Variants in RBMS3 observed in about 807,000 individuals in gnomAD.
RBMS3 encodes RNA binding motif single stranded interacting protein 3, also known as RNA-binding motif, single-stranded-interacting protein 3.
Under a neutral mutation model 66.8 loss-of-function variants are expected in RBMS3, and 27 were observed. The ratio of observed to expected loss-of-function variants is 0.40; its 90% CI spans 0.30 to 0.56. The LOEUF (loss-of-function observed/expected upper bound fraction) is 0.56, where lower values mean the gene tolerates loss of function less well. RBMS3 is among the 20% of genes least tolerant of loss of function. The probability of loss-of-function intolerance (pLI) is 0.40; values close to 1 mark genes in which losing one functional copy is unlikely to be tolerated. For missense variants in RBMS3, 513 were observed against 549.5 expected (o/e 0.93, Z 0.66); for synonymous variants, 188 against 183.0 (o/e 1.03, Z -0.22).
At chr3:29,769,949 T>C (rs2056124932) in intron 6 of RBMS3, among the ~76,000 whole-genome samples, 1 of 151,826 alleles carries the variant, frequency 6.6e-6, no homozygotes, top group African/African-American at 2.4e-5. Flanking sequence ...GAGAAAAATG[T>C]TTGTAAGAAT....
intron 1 of RBMS3, among the ~76,000 whole-genome samples, chr3:29,428,056 G>T (rs1483864331): frequency 6.6e-6 from 1 of 152,182 alleles, no homozygotes; most frequent in Non-Finnish European, 1.5e-5. Context: ...TGGAGGGGGT[G>T]AATGCCATGC....
intron 4 of RBMS3, among the ~76,000 whole-genome samples, chr3:29,617,231 T>G (rs2048703651): frequency 6.6e-6 from 1 of 152,208 alleles, no homozygotes; most frequent in Non-Finnish European, 1.5e-5. Context: ...TAATACCAGC[T>G]CCAAAACTAA....
chr3:29,675,146 G>C (rs1389379933), intron 4 of RBMS3, among the ~76,000 whole-genome samples: 17 of 152,066 alleles, frequency 1.1e-4, no homozygotes, highest in Admixed American at 1.1e-3. Flanking sequence ...TCTGATCTTT[G>C]ACAAACTTGA....
chr3:30,000,702 T>C (rs546159800), intron 14 of RBMS3, among the ~76,000 whole-genome samples: 2 of 152,266 alleles, frequency 1.3e-5, no homozygotes, highest in African/African-American at 2.4e-5. Context: ...TGGAATACCA[T>C]GCAGTCATAA....
chr3:29,779,422 C>T (rs543819977), intron 6 of RBMS3, among the ~76,000 whole-genome samples: 209 of 151,556 alleles, frequency 1.4e-3, no homozygotes, highest in Middle Eastern at 3.4e-3. Flanking sequence ...TGTATAGTAT[C>T]CTTTCTTTGA....
At chr3:29,760,806 A>G (rs914631803) in intron 5 of RBMS3, among the ~76,000 whole-genome samples, 4 of 152,144 alleles carry the variant, frequency 2.6e-5, no homozygotes, top group Admixed American at 2.0e-4. Context: ...TTATCCAAAC[A>G]TCTTCTGATA....
intron 1 of RBMS3, among the ~76,000 whole-genome samples, chr3:29,339,227 T>A (rs921533467): frequency 3.9e-5 from 6 of 152,206 alleles, no homozygotes; most frequent in Admixed American, 6.5e-5. Context: ...AATCCTGTTT[T>A]CACCGACACT....
chr3:29,743,045 A>G (rs928061342), intron 5 of RBMS3, among the ~76,000 whole-genome samples: 2 of 152,172 alleles, frequency 1.3e-5, no homozygotes, highest in Non-Finnish European at 2.9e-5. Context: ...TTCGTTCTCC[A>G]TGTATCTTAG....
chr3:29,735,046 A>G (rs1324774788), intron 4 of RBMS3, among the ~76,000 whole-genome samples: 2 of 152,110 alleles, frequency 1.3e-5, no homozygotes. Context: ...GTTAAGTTTT[A>G]AAATTGTGTT....
chr3:29,303,674 G>A (rs2033822925), intron 1 of RBMS3, among the ~76,000 whole-genome samples: 1 of 151,976 alleles, frequency 6.6e-6, no homozygotes, highest in Admixed American at 6.6e-5. Context: ...TAAGTTAAAT[G>A]GATTGTGTAC....
At chr3:29,838,722 T>C (rs1316990358) in intron 6 of RBMS3, among the ~76,000 whole-genome samples, 1 of 152,174 alleles carries the variant, frequency 6.6e-6, no homozygotes, top group Non-Finnish European at 1.5e-5. Context: ...TTAATCTTTC[T>C]TTTATGCAGC....
chr3:29,598,797 A>G (rs894839416), intron 4 of RBMS3, among the ~76,000 whole-genome samples: 2 of 152,074 alleles, frequency 1.3e-5, no homozygotes, highest in Non-Finnish European at 2.9e-5. Flanking sequence ...CATTTCTCCT[A>G]TAATACCTAA....
At chr3:29,311,293 T>G (rs1450392348) in intron 1 of RBMS3, among the ~76,000 whole-genome samples, 1 of 151,770 alleles carries the variant, frequency 6.6e-6, no homozygotes, top group African/African-American at 2.4e-5. Flanking sequence ...TTCTCTGAAT[T>G]GAAATTGAGA....
chr3:29,809,816 G>T (rs544282703), intron 6 of RBMS3, among the ~76,000 whole-genome samples: 3 of 151,932 alleles, frequency 2.0e-5, no homozygotes, highest in Admixed American at 6.6e-5. Flanking sequence ...GCTTTCTAAT[G>T]TATGAAGAAA....
intron 9 of RBMS3, among the ~76,000 whole-genome samples, chr3:29,898,985 C>T (rs1010432003): frequency 2.0e-5 from 3 of 151,480 alleles, no homozygotes; most frequent in African/African-American, 7.3e-5. Context: ...CAGGTTTTTT[C>T]AATCCAAAGT....
chr3:29,941,467 AT>A (rs1170384107), intron 11 of RBMS3, among the ~76,000 whole-genome samples: 2 of 151,950 alleles, frequency 1.3e-5, no homozygotes, highest in East Asian at 3.9e-4. Flanking sequence ...TTAGGAAAAA[AT>A]ATTAATTAAA....
At chr3:29,355,149 C>T (rs757177490) in intron 1 of RBMS3, among the ~76,000 whole-genome samples, 8 of 152,134 alleles carry the variant, frequency 5.3e-5, no homozygotes, top group Non-Finnish European at 1.2e-4. Context: ...TCCTGCCAGA[C>T]TGCATGTTCT....
At chr3:29,592,867 A>G (rs886536963) in intron 4 of RBMS3, among the ~76,000 whole-genome samples, 2 of 151,960 alleles carry the variant, frequency 1.3e-5, no homozygotes, top group Non-Finnish European at 2.9e-5. Context: ...AGGGACATGG[A>G]TGAAGCTGGA....
intron 10 of RBMS3, among the ~76,000 whole-genome samples, chr3:29,935,431 A>G (rs997542203): frequency 6.6e-6 from 1 of 152,168 alleles, no homozygotes; most frequent in African/African-American, 2.4e-5. Context: ...TGGACATAAA[A>G]ATTTGACCAG....
Sources: gnomAD v4.1 joint callset for allele counts (sites outside exome capture counted in the v4.1 genomes callset) on GRCh38, gnomAD v4.1.1 for gene constraint, MANE v1.5 for transcripts, NCBI Gene and HGNC (gene_info 2026-07-23, HGNC 2026-07-21) for gene names.